SGK1: variants seen among roughly 807,000 people sequenced by gnomAD.
The protein encoded by SGK1 is serine/threonine-protein kinase Sgk1.
Under a neutral mutation model 64.2 loss-of-function variants are expected in SGK1, and 26 were observed. The observed-to-expected ratio is 0.40, with a 90% CI of 0.30 to 0.56. SGK1 has a LOEUF of 0.56. Ranked by LOEUF, SGK1 falls within the 20% of genes least tolerant of loss-of-function variation. The pLI is 0.38. For missense variants in SGK1, 519 were observed against 645.6 expected (o/e 0.80, Z 2.12); for synonymous variants, 265 against 239.7 (o/e 1.11, Z -0.98).
At chr6:134,298,329 C>T in intron 1 of SGK1, 1 of 1,568,548 alleles carries the variant, frequency 6.4e-7, no homozygotes, top group Admixed American at 1.7e-5. Flanking sequence ...GCAGGAGGCT[C>T]CACTTGGTCT....
At chr6:134,251,997 T>C (rs569260552) in intron 2 of SGK1, among the ~76,000 whole-genome samples, 1 of 152,238 alleles carries the variant, frequency 6.6e-6, no homozygotes, top group South Asian at 2.1e-4. Context: ...GCTCAAGCGA[T>C]CCTCCCACCT....
intron 1 of SGK1, among the ~76,000 whole-genome samples, chr6:134,299,295 G>A (rs1777410827): frequency 6.6e-6 from 1 of 152,028 alleles, no homozygotes; most frequent in Non-Finnish European, 1.5e-5. Flanking sequence ...AGCCAGTGAG[G>A]TCGAGGATGC....
At chr6:134,275,015 G>A (rs997417265) in intron 1 of SGK1, among the ~76,000 whole-genome samples, 1 of 152,068 alleles carries the variant, frequency 6.6e-6, no homozygotes, top group African/African-American at 2.4e-5. Context: ...TGTTGACCAA[G>A]TTAGTCTTGA....
intron 2 of SGK1, among the ~76,000 whole-genome samples, chr6:134,259,391 G>A (rs1195024132): frequency 6.6e-6 from 1 of 151,898 alleles, no homozygotes; most frequent in Admixed American, 6.6e-5. Flanking sequence ...TGTAATACCA[G>A]CATTTTGGGA....
At chr6:134,315,777 C>T (rs1298088373) in intron 1 of SGK1, among the ~76,000 whole-genome samples, 1 of 151,998 alleles carries the variant, frequency 6.6e-6, no homozygotes, top group East Asian at 1.9e-4. Context: ...TGGTGGTGGA[C>T]ATCTGTAATC....
intron 3 of SGK1, among the ~76,000 whole-genome samples, chr6:134,190,680 G>A (rs1006232808): frequency 2.6e-5 from 4 of 152,022 alleles, no homozygotes; most frequent in Non-Finnish European, 5.9e-5. Flanking sequence ...GAGGATTATA[G>A]GTTTTTAAAA....
At chr6:134,277,958 G>C (rs1777041084) in intron 1 of SGK1, among the ~76,000 whole-genome samples, 1 of 152,192 alleles carries the variant, frequency 6.6e-6, no homozygotes. Flanking sequence ...ACTGAATTAA[G>C]AGAATTGGAT....
intron 2 of SGK1, chr6:134,260,262 A>C (rs1337646153): frequency 6.6e-6 from 1 of 151,182 alleles, no homozygotes; most frequent in Non-Finnish European, 1.5e-5. Flanking sequence ...AGGTGGGAGG[A>C]TCACTTGAAC....
At chr6:134,206,073 G>A (rs914006250) in intron 3 of SGK1, among the ~76,000 whole-genome samples, 2 of 151,806 alleles carry the variant, frequency 1.3e-5, no homozygotes, top group Non-Finnish European at 2.9e-5. Context: ...CATATTCTCC[G>A]ATCTCATAAA....
chr6:134,202,721 A>T (rs79988314), intron 3 of SGK1, among the ~76,000 whole-genome samples: 7,652 of 152,232 alleles, frequency 0.05, 649 homozygotes, highest in African/African-American at 0.17. Context: ...ATGATACCAG[A>T]GAGAAACAGA....
chr6:134,285,332 G>T (rs1367062219), intron 1 of SGK1, among the ~76,000 whole-genome samples: 1 of 151,948 alleles, frequency 6.6e-6, no homozygotes, highest in Non-Finnish European at 1.5e-5. Context: ...CAAAAAATTA[G>T]CCAAGCATGG....
chr6:134,241,530 C>T (rs1198896097), intron 2 of SGK1, among the ~76,000 whole-genome samples: 2 of 151,966 alleles, frequency 1.3e-5, no homozygotes, highest in African/African-American at 4.8e-5. Flanking sequence ...CCTCTCCCTC[C>T]TCGGAATTTG....
chr6:134,284,684 C>T (rs1777154927), intron 1 of SGK1, among the ~76,000 whole-genome samples: 1 of 152,072 alleles, frequency 6.6e-6, no homozygotes, highest in Non-Finnish European at 1.5e-5. Flanking sequence ...AGGGTTTCAC[C>T]AACAGGCCAG....
chr6:134,257,296 G>T (rs1362538855), intron 2 of SGK1, among the ~76,000 whole-genome samples: 1 of 152,148 alleles, frequency 6.6e-6, no homozygotes, highest in African/African-American at 2.4e-5. Flanking sequence ...CCAGCTATTC[G>T]CAAGGCTGAG....
At chr6:134,210,776 C>T (rs1775875198) in intron 2 of SGK1, among the ~76,000 whole-genome samples, 2 of 144,350 alleles carry the variant, frequency 1.4e-5, no homozygotes, top group South Asian at 4.3e-4. Flanking sequence ...TGTGTCACGG[C>T]ACTCCTGCCT....
At chr6:134,176,501 G>T (rs1775237384) in intron 3 of SGK1, among the ~76,000 whole-genome samples, 1 of 152,228 alleles carries the variant, frequency 6.6e-6, no homozygotes. Context: ...CCGGCGCGGG[G>T]ACGTGAGCCA....
chr6:134,209,932 C>T (rs1448012546), intron 2 of SGK1, among the ~76,000 whole-genome samples: 2 of 152,226 alleles, frequency 1.3e-5, no homozygotes, highest in African/African-American at 4.8e-5. Flanking sequence ...CCACATTGGC[C>T]TCCCAAAGTG....
chr6:134,212,413 A>C (rs1048428595), intron 2 of SGK1, among the ~76,000 whole-genome samples: 1 of 152,166 alleles, frequency 6.6e-6, no homozygotes, highest in Non-Finnish European at 1.5e-5. Context: ...CTTTTATGAA[A>C]TAATATCTCA....
intron 2 of SGK1, among the ~76,000 whole-genome samples, chr6:134,228,887 A>G (rs1263389027): frequency 7.5e-6 from 1 of 133,980 alleles, no homozygotes; most frequent in Non-Finnish European, 1.5e-5. Context: ...TCTTTCACCC[A>G]GGTGGGACTG....
Sources: allele counts gnomAD v4.1 joint callset (sites outside exome capture counted in the v4.1 genomes callset), GRCh38; gene constraint gnomAD v4.1.1; transcripts MANE v1.5; gene names NCBI Gene and HGNC (gene_info 2026-07-23, HGNC 2026-07-21).